Variants in HSD17B3 observed in about 807,000 individuals in gnomAD.
HSD17B3 encodes hydroxysteroid 17-beta dehydrogenase 3.
In HSD17B3, 29 loss-of-function variants were observed where a neutral mutation model predicts 41.1. The ratio of observed to expected loss-of-function variants is 0.71; its 90% confidence interval spans 0.53 to 0.96. The LOEUF (loss-of-function observed/expected upper bound fraction) is 0.96, where lower values mean the gene tolerates loss of function less well. Ranked by LOEUF, HSD17B3 falls within the 40% of genes least tolerant of loss-of-function variation. HSD17B3 has a pLI of 0.00. For synonymous variants in HSD17B3, 126 were observed against 145.6 expected, an observed-to-expected ratio of 0.87 and a Z score of 0.97; for missense variants, 323 against 374.6, an observed-to-expected ratio of 0.86 and a Z score of 1.14.
intron 4 of HSD17B3, among the ~76,000 whole-genome samples, chr9:96,252,149 G>A (rs1825440648): frequency 6.6e-6 from 1 of 152,134 alleles, no homozygotes; most frequent in Non-Finnish European, 1.5e-5. Context: ...AGCAATGTTT[G>A]TTTGCTAAAC....
chr9:96,261,933 T>C (rs1825876021), intron 2 of HSD17B3, among the ~76,000 whole-genome samples: 1 of 152,184 alleles, frequency 6.6e-6, no homozygotes, highest in Non-Finnish European at 1.5e-5. Flanking sequence ...CATCACAGGT[T>C]CAGCACTTGG....
At chr9:96,276,985 A>G (rs909751491) in intron 2 of HSD17B3, among the ~76,000 whole-genome samples, 1 of 152,206 alleles carries the variant, frequency 6.6e-6, no homozygotes, top group African/African-American at 2.4e-5. Context: ...GTGAGTCACA[A>G]GGTCAGGAGA....
At chr9:96,295,260 C>T (rs1377007226) in intron 2 of HSD17B3, among the ~76,000 whole-genome samples, 3 of 151,870 alleles carry the variant, frequency 2.0e-5, no homozygotes, top group Non-Finnish European at 4.4e-5. Context: ...CCACCTTGGC[C>T]TCCCAAAGTG....
At chr9:96,266,989 T>C (rs1826064104) in intron 2 of HSD17B3, among the ~76,000 whole-genome samples, 3 of 152,038 alleles carry the variant, frequency 2.0e-5, no homozygotes, top group African/African-American at 7.2e-5. Flanking sequence ...ACCCTGATCA[T>C]ACTCACAACT....
At chr9:96,264,834 A>T (rs189038900) in intron 2 of HSD17B3, among the ~76,000 whole-genome samples, 43 of 152,366 alleles carry the variant, frequency 2.8e-4, no homozygotes, top group African/African-American at 1.0e-3. Context: ...ACTTTACAGC[A>T]GCCTTTAGCT....
chr9:96,265,152 G>A (rs1419877892), intron 2 of HSD17B3, among the ~76,000 whole-genome samples: 15 of 152,212 alleles, frequency 9.9e-5, no homozygotes, highest in Non-Finnish European at 2.2e-4. Context: ...GGCCAGTAAG[G>A]TTGGAAACAG....
chr9:96,257,216 C>T (rs1426034420), intron 2 of HSD17B3, among the ~76,000 whole-genome samples: 1 of 152,108 alleles, frequency 6.6e-6, no homozygotes, highest in African/African-American at 2.4e-5. Context: ...AGTGCAAGAA[C>T]GAAATAATAC....
At chr9:96,301,908 G>T (rs758498508) in intron 1 of HSD17B3, 43 bp downstream of exon 1, 1 of 1,583,156 alleles carries the variant, frequency 6.3e-7, no homozygotes, top group Non-Finnish European at 8.7e-7. Context: ...TAACAAGCAG[G>T]AACAACAGCA....
chr9:96,254,860 T>C lies in HSD17B3; in HGVS notation c.277+8A>G. The C allele has an allele frequency of 6.2e-7, 1 of 1,611,660 alleles. No homozygotes were observed. Among genetic ancestry groups the C allele is most frequent in the Non-Finnish European group, 8.5e-7 (1 of 1,178,412 alleles). ...ACACACATCTCCCTTATTTGGGGGG[T>C]CACTCACCGATCTCTGTGGCAATGG... is the stretch of plus-strand genomic sequence containing the variant. On this transcript the variant is annotated splice_region_variant and intron_variant, in intron 3 of 10. Transcript: ENST00000375263.
At chr9:96,259,087 C>T (rs1489297867) in intron 2 of HSD17B3, among the ~76,000 whole-genome samples, 1 of 152,172 alleles carries the variant, frequency 6.6e-6, no homozygotes, top group Admixed American at 6.5e-5. Context: ...CCTCTGTTAA[C>T]CACCTTGATC....
intron 2 of HSD17B3, among the ~76,000 whole-genome samples, chr9:96,265,538 C>T (rs1826019855): frequency 6.6e-6 from 1 of 152,116 alleles, no homozygotes; most frequent in Admixed American, 6.6e-5. Flanking sequence ...AAACATACTA[C>T]CGTGCTCTAC....
At chr9:96,296,881 C>T (rs1258388619) in intron 2 of HSD17B3, among the ~76,000 whole-genome samples, 3 of 152,048 alleles carry the variant, frequency 2.0e-5, no homozygotes, top group Non-Finnish European at 2.9e-5. Flanking sequence ...AACCCTGTCT[C>T]TACAAAAAAT....
At chr9:96,290,700 G>T (rs1194128637) in intron 2 of HSD17B3, among the ~76,000 whole-genome samples, 1 of 151,898 alleles carries the variant, frequency 6.6e-6, no homozygotes, top group Non-Finnish European at 1.5e-5. Flanking sequence ...CAGGCATGGT[G>T]GCGGGTGCCT....
chr9:96,238,156 A>G (rs1400552923), intron 10 of HSD17B3, among the ~76,000 whole-genome samples: 1 of 151,834 alleles, frequency 6.6e-6, no homozygotes, highest in Non-Finnish European at 1.5e-5. Flanking sequence ...TTCAACTTTG[A>G]CCCTGTGTCA....
intron 2 of HSD17B3, among the ~76,000 whole-genome samples, chr9:96,257,666 G>A (rs1825721232): frequency 6.6e-6 from 1 of 152,184 alleles, no homozygotes; most frequent in Admixed American, 6.5e-5. Context: ...GTATTCTAGA[G>A]TTGACCTTTG....
chr9:96,261,170 G>A (rs956698625), intron 2 of HSD17B3, among the ~76,000 whole-genome samples: 1 of 151,670 alleles, frequency 6.6e-6, no homozygotes, highest in Non-Finnish European at 1.5e-5. Flanking sequence ...CTAATGAGCA[G>A]GAGATTGTTG....
At chr9:96,246,722 T>C in intron 6 of HSD17B3, 132 bp from the exon 7 acceptor site, 1 of 808,746 alleles carries the variant, frequency 1.2e-6, no homozygotes, top group Non-Finnish European at 2.1e-6. Context: ...CCTTGAAAAT[T>C]GCTGGCACTC....
chr9:96,259,595 C>T (rs1825787344), intron 2 of HSD17B3, among the ~76,000 whole-genome samples: 3 of 152,130 alleles, frequency 2.0e-5, no homozygotes, highest in African/African-American at 7.2e-5. Flanking sequence ...GTGGCGCATG[C>T]CTGTAGCCCC....
Position 96,285,591 on chromosome 9 carries a change from C to T in HSD17B3, c.201+12825G>A, listed in dbSNP as rs550473695. On this transcript the variant is annotated intron_variant, in intron 2 of 10. Transcript: ENST00000375263. ...CTTATTTTGCTTTGCTGTTGTGGAA[C>T]ATATTGCAGTTGTACTCTTTGTGTA... Among the ~76,000 whole-genome samples the T allele has an allele frequency of 8.1e-4, 124 of 152,276 alleles. 3 individuals are homozygous for T. The South Asian group carries it at 0.024, about 30-fold the overall frequency.
Sources: allele counts gnomAD v4.1 joint callset (sites outside exome capture counted in the v4.1 genomes callset), GRCh38; gene constraint gnomAD v4.1.1; transcripts MANE v1.5; gene names NCBI Gene and HGNC (gene_info 2026-07-23, HGNC 2026-07-21).